Variants in PPM1H observed in about 807,000 individuals in gnomAD.
PPM1H encodes protein phosphatase 1H.
A neutral mutation model predicts 54.9 loss-of-function variants in PPM1H; 27 were observed. That is an observed-to-expected ratio of 0.49 (90% confidence interval 0.36 to 0.68). PPM1H has a LOEUF of 0.68. Among genes scored for constraint, PPM1H ranks in the 30% least tolerant of loss-of-function variants. The pLI is 0.00. For synonymous variants in PPM1H, 305 were observed against 270.8 expected, an observed-to-expected ratio of 1.13 and a Z score of -1.24; for missense variants, 596 against 667.8, an observed-to-expected ratio of 0.89 and a Z score of 1.19.
chr12:62,923,867 G>A (rs759451351), intron 1 of PPM1H, among the ~76,000 whole-genome samples: 92 of 152,208 alleles, frequency 6.0e-4, no homozygotes, highest in Admixed American at 2.4e-3. Context: ...AAAGGGCATT[G>A]GCAATCCTCT....
rs1316359624 is a variant in PPM1H, at chr12:62,648,247, G to A, written c.*242C>T. On this transcript the variant is annotated 3_prime_UTR_variant, in exon 10 of 10. Transcript: ENST00000228705. ...ACCTCGGAGGCCTATGAAAGGAACTGAAATACAACAACACTTGGTAGCAGC... is the reference window on the plus strand; with the variant it reads ...ACCTCGGAGGCCTATGAAAGGAACTAAAATACAACAACACTTGGTAGCAGC... 3 of 469,770 alleles carry A rather than the reference G, an allele frequency of 6.4e-6. No homozygotes were observed. Among genetic ancestry groups the A allele is most frequent in the Non-Finnish European group, 1.2e-5 (3 of 260,416 alleles). 29.1% of individuals were successfully genotyped at this position (469,770 alleles called of 1,614,324 possible). A position where few individuals can be genotyped will look rare whatever the true frequency, so the allele number is the denominator to read the frequency against.
intron 3 of PPM1H, among the ~76,000 whole-genome samples, chr12:62,796,369 G>A (rs1336915551): frequency 3.3e-5 from 5 of 152,108 alleles, no homozygotes; most frequent in Non-Finnish European, 7.4e-5. Context: ...GATGCCAGTC[G>A]CAAGCCCCAG....
At chr12:62,675,608 C>T (rs1260733441) in intron 8 of PPM1H, among the ~76,000 whole-genome samples, 1 of 152,206 alleles carries the variant, frequency 6.6e-6, no homozygotes, top group African/African-American at 2.4e-5. Context: ...CCATACATCC[C>T]TGTTTACTCC....
chr12:62,750,963 G>A lies in PPM1H; in HGVS notation c.870-13377C>T, dbSNP rs1247207898. Among the ~76,000 whole-genome samples the A allele has an allele frequency of 1.3e-4, 20 of 152,140 alleles. No individual in the cohort carries two copies. The East Asian group carries it at 1.3e-3, about 10-fold the overall frequency. ...GTCAATATCTAAAATTCACAATACC[G>A]TACGGTTCCCCAGCACAAATGTATA... On this transcript the variant is annotated intron_variant, in intron 4 of 9. Transcript: ENST00000228705.
chr12:62,800,430 G>A (rs2076760661), intron 3 of PPM1H, among the ~76,000 whole-genome samples: 1 of 151,882 alleles, frequency 6.6e-6, no homozygotes, highest in Admixed American at 6.6e-5. Context: ...TCTGCCTCCT[G>A]TATTCAAGCA....
Position 62,648,642 on chromosome 12 carries a change from CA to C in PPM1H, c.1398-7del. The C allele has an allele frequency of 6.2e-7, 1 of 1,613,372 alleles. No individual in the cohort carries two copies. Among genetic ancestry groups the C allele is most frequent in the South Asian group, 1.1e-5 (1 of 91,020 alleles). ...CCTGAGCTGCCAGTGTGTACCTACA[CA>C]GGAGAACCAGGAACGAGACAGTCAG... On this transcript the variant is annotated splice_region_variant and splice_polypyrimidine_tract_variant and intron_variant, in intron 9 of 9. Transcript: ENST00000228705.
intron 1 of PPM1H, among the ~76,000 whole-genome samples, chr12:62,930,213 G>A (rs1197452526): frequency 6.6e-6 from 1 of 152,164 alleles, no homozygotes; most frequent in South Asian, 2.1e-4. Flanking sequence ...TTTAAATAAG[G>A]TTATTCCATC....
At chr12:62,849,554 G>A (rs80183480) in intron 1 of PPM1H, among the ~76,000 whole-genome samples, 2,471 of 152,198 alleles carry the variant, frequency 0.016, 74 homozygotes, top group African/African-American at 0.057. Flanking sequence ...AAAACCAAGG[G>A]TCCACTAGTA....
chr12:62,693,561 G>A (rs163687), intron 7 of PPM1H, among the ~76,000 whole-genome samples: 3 of 152,090 alleles, frequency 2.0e-5, no homozygotes, highest in Non-Finnish European at 4.4e-5. Flanking sequence ...CAGCTGCCTC[G>A]TCTGCCAGAT....
intron 1 of PPM1H, among the ~76,000 whole-genome samples, chr12:62,897,878 A>G (rs147138215): frequency 6.6e-6 from 1 of 152,336 alleles, no homozygotes; most frequent in East Asian, 1.9e-4. Flanking sequence ...GATGTGGGGA[A>G]CAGAAGGTGT....
intron 4 of PPM1H, among the ~76,000 whole-genome samples, chr12:62,743,494 T>C (rs2076393908): frequency 6.6e-6 from 1 of 152,180 alleles, no homozygotes; most frequent in Non-Finnish European, 1.5e-5. Flanking sequence ...TCCTCTAATG[T>C]TATATTTTGG....
chr12:62,833,221 A>T (rs946635834), intron 1 of PPM1H, among the ~76,000 whole-genome samples: 11 of 151,348 alleles, frequency 7.3e-5, no homozygotes, highest in African/African-American at 2.7e-4. Flanking sequence ...AGTAGCAAGG[A>T]AAGAAAAGGT....
chr12:62,782,337 G>A (rs1464829298), intron 4 of PPM1H, among the ~76,000 whole-genome samples: 1 of 152,242 alleles, frequency 6.6e-6, no homozygotes, highest in East Asian at 1.9e-4. Flanking sequence ...CTGGAGAGAA[G>A]ATGCCACAGA....
intron 1 of PPM1H, among the ~76,000 whole-genome samples, chr12:62,868,011 C>T (rs1196102280): frequency 6.6e-6 from 1 of 152,052 alleles, no homozygotes; most frequent in African/African-American, 2.4e-5. Context: ...CAGTGTCTCA[C>T]CATGTCTAAC....
At chr12:62,869,753 A>G (rs1869914399) in intron 1 of PPM1H, among the ~76,000 whole-genome samples, 1 of 152,202 alleles carries the variant, frequency 6.6e-6, no homozygotes, top group Non-Finnish European at 1.5e-5. Context: ...CCCTGCCTCC[A>G]TCACAGCCTC....
intron 6 of PPM1H, among the ~76,000 whole-genome samples, chr12:62,717,432 G>T (rs985804472): frequency 6.6e-6 from 1 of 151,632 alleles, no homozygotes; most frequent in Non-Finnish European, 1.5e-5. Flanking sequence ...CTGTTTATCT[G>T]CTTAGGACCA....
At chr12:62,867,570 T>TC (rs1565814149) in intron 1 of PPM1H, among the ~76,000 whole-genome samples, 1 of 92,038 alleles carries the variant, frequency 1.1e-5, no homozygotes, top group Non-Finnish European at 2.1e-5. Context: ...CACTATTTTT[T>TC]TTTTTTTTTT....
chr12:62,870,063 C>T (rs1227059080), intron 1 of PPM1H, among the ~76,000 whole-genome samples: 2 of 152,150 alleles, frequency 1.3e-5, no homozygotes, highest in African/African-American at 2.4e-5. Context: ...TGAAGTGCTA[C>T]TCTAATCCCA....
chr12:62,754,522 A>T (rs1477505421), intron 4 of PPM1H, among the ~76,000 whole-genome samples: 5 of 152,210 alleles, frequency 3.3e-5, no homozygotes. Context: ...AGCCAAGATC[A>T]AGCCACCACT....
Sources: gnomAD v4.1 joint callset for allele counts (sites outside exome capture counted in the v4.1 genomes callset) on GRCh38, gnomAD v4.1.1 for gene constraint, MANE v1.5 for transcripts, NCBI Gene and HGNC (gene_info 2026-07-23, HGNC 2026-07-21) for gene names.